The following CYP20A1 variants were observed in gnomAD, a reference collection of about 807,000 sequenced individuals.
The protein encoded by CYP20A1 is cytochrome P450 20A1.
Under a neutral mutation model 61.4 loss-of-function variants are expected in CYP20A1, and 61 were observed. The ratio of observed to expected loss-of-function variants is 0.99; its 90% CI spans 0.81 to 1.23. CYP20A1 has a LOEUF of 1.23. Among genes scored for constraint, CYP20A1 ranks in the 50% most tolerant of loss-of-function variants. The pLI, the probability that CYP20A1 is intolerant of heterozygous loss-of-function variation, is 0.00. For missense variants in CYP20A1, 530 were observed against 542.4 expected (o/e 0.98, Z 0.23); for synonymous variants, 193 against 188.2 (o/e 1.03, Z -0.21).
intron 8 of CYP20A1, among the ~76,000 whole-genome samples, chr2:203,282,738 C>T (rs1200448218): frequency 2.0e-5 from 3 of 151,984 alleles, no homozygotes; most frequent in Non-Finnish European, 4.4e-5. Context: ...AATAAGAAAC[C>T]TTAATAAGTC....
intron 8 of CYP20A1, among the ~76,000 whole-genome samples, chr2:203,282,088 A>G (rs2068065966): frequency 8.0e-6 from 1 of 124,514 alleles, no homozygotes; most frequent in Non-Finnish European, 1.6e-5. Context: ...CCCAGGCTGT[A>G]GTGCAATTGC....
At position 203,302,651 on chromosome 2, in the gene CYP20A1, G is replaced by A. The variant is rs62183912; in HGVS notation, c.*5743G>A. Among the ~76,000 whole-genome samples, 67,788 of 152,024 alleles carry A rather than the reference G, an allele frequency of 0.45. 16,964 individuals carry two copies. Among genetic ancestry groups the A allele is most frequent in the Middle Eastern group, 0.67 (198 of 294 alleles). On this transcript the variant is annotated 3_prime_UTR_variant, in exon 13 of 13. Transcript: ENST00000356079. ...AGTCTTTTCTACAAGCAGAACATTA[G>A]TATTCTTGTCACTCTGAATGTAGGC...
chr2:203,239,059 A>G lies in CYP20A1; in HGVS notation c.-4A>G. ...CGAGACGTGGCTCCCTGGGCGGCAG[A>G]ACCATGTTGGACTTCGCGATCTTCG... is the stretch of plus-strand genomic sequence containing the variant. On this transcript the variant is annotated 5_prime_UTR_variant, in exon 1 of 13. Coordinates refer to ENST00000356079, the MANE Select transcript of CYP20A1 (RefSeq NM_177538.3). 2 of 1,613,532 alleles carry G rather than the reference A, an allele frequency of 1.2e-6. No homozygotes were observed. The highest frequency in any genetic ancestry group is 2.2e-5 in the East Asian group (1 of 44,842).
chr2:203,253,453 T>C (rs191156632), intron 4 of CYP20A1, among the ~76,000 whole-genome samples: 3 of 152,304 alleles, frequency 2.0e-5, no homozygotes, highest in Admixed American at 6.5e-5. Flanking sequence ...CCAAAAATGT[T>C]GTGGGGAACT....
intron 9 of CYP20A1, among the ~76,000 whole-genome samples, chr2:203,287,152 C>G (rs1484943487): frequency 7.3e-6 from 1 of 136,716 alleles, no homozygotes; most frequent in Admixed American, 8.6e-5. Flanking sequence ...CCAGGAAGTC[C>G]AGGCTGGAGT....
intron 6 of CYP20A1, among the ~76,000 whole-genome samples, chr2:203,273,010 C>T (rs2067670349): frequency 6.6e-6 from 1 of 151,954 alleles, no homozygotes; most frequent in African/African-American, 2.4e-5. Context: ...CCACGCCCAG[C>T]TAATTTTTGT....
chr2:203,278,484 C>CAT, intron 6 of CYP20A1, 89 bp from the exon 7 acceptor site: 1 of 518,202 alleles, frequency 1.9e-6, no homozygotes, highest in South Asian at 4.5e-5. Context: ...AGGTTTTCTT[C>CAT]ATATAGTAAC....
In CYP20A1 at chr2:203,285,740, C is replaced by T. The variant is rs1030358674; in HGVS notation, c.971+8C>T. 16 of 1,561,742 alleles carry T rather than the reference C, an allele frequency of 1.0e-5. No individual in the cohort carries two copies. The African/African-American group carries it at 1.7e-4, about 16-fold the overall frequency. On this transcript the variant is annotated splice_region_variant and intron_variant, in intron 9 of 12. Transcript: ENST00000356079. ...GAAAATTGAGCAGCTCAGGTAAGAA[C>T]ACAATAAAAAGAGGAGATTATTAAA...
chr2:203,251,954 TTGTC>T lies in CYP20A1; in HGVS notation c.290-9_290-6del. On this transcript the variant is annotated splice_polypyrimidine_tract_variant and intron_variant, in intron 3 of 12. Transcript: ENST00000356079. ...TTATTTTGATACAGAAATATTTAAT[TTGTC>T]TGTTTCAGCGGACCCTTTTGAAACC... is the stretch of plus-strand genomic sequence containing the variant. 1.3e-6 allele frequency: 2 copies of T among 1,521,526 alleles called. No homozygotes were observed. The highest frequency in any genetic ancestry group is 8.9e-7 in the Non-Finnish European group (1 of 1,128,198). 94.3% of individuals were successfully genotyped at this position (1,521,526 alleles called of 1,614,324 possible).
intron 3 of CYP20A1, among the ~76,000 whole-genome samples, chr2:203,251,338 C>CT (rs1043923000): frequency 2.0e-5 from 3 of 151,278 alleles, no homozygotes; most frequent in Non-Finnish European, 2.9e-5. Context: ...GGGGAATGTG[C>CT]TTTTTTTAAA....
At chr2:203,292,676 C>G (rs1395237932) in intron 11 of CYP20A1, among the ~76,000 whole-genome samples, 3 of 151,880 alleles carry the variant, frequency 2.0e-5, no homozygotes, top group Non-Finnish European at 4.4e-5. Context: ...CCAGGCTGGT[C>G]TTGAACTCCT....
intron 8 of CYP20A1, among the ~76,000 whole-genome samples, chr2:203,283,658 C>T (rs961174678): frequency 4.6e-5 from 7 of 151,004 alleles, no homozygotes; most frequent in Non-Finnish European, 7.4e-5. Flanking sequence ...AAGCAATTCT[C>T]CTGCCTCAGC....
At chr2:203,290,707 A>T (rs1280022113) in intron 10 of CYP20A1, among the ~76,000 whole-genome samples, 2 of 152,072 alleles carry the variant, frequency 1.3e-5, no homozygotes, top group African/African-American at 2.4e-5. Context: ...CAGTTGTGCA[A>T]TCTTGGCTCA....
At position 203,278,554 on chromosome 2, in the gene CYP20A1, TTTTG is replaced by T; in HGVS notation, c.680-15_680-12del. The T allele has an allele frequency of 7.9e-7, 1 of 1,263,004 alleles. No homozygotes were observed. Among genetic ancestry groups the T allele is most frequent in the Non-Finnish European group, 1.1e-6 (1 of 894,488 alleles). 78.2% of individuals were successfully genotyped at this position (1,263,004 alleles called of 1,614,324 possible). On this transcript the variant is annotated splice_polypyrimidine_tract_variant and intron_variant, in intron 6 of 12. Transcript: ENST00000356079. The stretch of plus-strand genomic sequence containing the variant: ...CACTAATGCTTGTATTCTAAAATTA[TTTTG>T]TTTTTTTCTCTAAGCCCTCATGCAA...
intron 5 of CYP20A1, among the ~76,000 whole-genome samples, chr2:203,270,310 G>GT (rs113686137): frequency 2.8e-4 from 43 of 151,160 alleles, no homozygotes; most frequent in East Asian, 9.7e-4. Context: ...AAACACTTGG[G>GT]TTTTTTTTTA....
intron 1 of CYP20A1, among the ~76,000 whole-genome samples, chr2:203,245,009 G>A (rs2066409474): frequency 6.6e-6 from 1 of 151,362 alleles, no homozygotes; most frequent in South Asian, 2.1e-4. Flanking sequence ...TGGGATTACA[G>A]GCGTGAGCCA....
intron 2 of CYP20A1, among the ~76,000 whole-genome samples, chr2:203,246,166 A>G (rs1269613224): frequency 6.6e-6 from 1 of 152,246 alleles, no homozygotes; most frequent in African/African-American, 2.4e-5. Context: ...CTAGGCAGAC[A>G]GATGGAATAG....
chr2:203,242,954 G>A (rs2066307030), intron 1 of CYP20A1, among the ~76,000 whole-genome samples: 2 of 152,050 alleles, frequency 1.3e-5, no homozygotes, highest in African/African-American at 4.8e-5. Context: ...CCACACAGCT[G>A]GAAAACAAAC....
At chr2:203,249,983 T>C (rs1022346997) in intron 3 of CYP20A1, among the ~76,000 whole-genome samples, 1 of 152,218 alleles carries the variant, frequency 6.6e-6, no homozygotes, top group African/African-American at 2.4e-5. Flanking sequence ...CTTATCTCCC[T>C]AGAAGAGATG....
Sources: allele counts gnomAD v4.1 joint callset (sites outside exome capture counted in the v4.1 genomes callset), GRCh38; gene constraint gnomAD v4.1.1; transcripts MANE v1.5; gene names NCBI Gene and HGNC (gene_info 2026-07-23, HGNC 2026-07-21).